Variants in CNTN4 observed in about 807,000 individuals in gnomAD.
CNTN4 encodes the protein contactin 4.
In CNTN4, 77 loss-of-function variants were observed where a neutral mutation model predicts 122.5. The observed-to-expected ratio is 0.63, with a 90% CI of 0.52 to 0.76. CNTN4 has a LOEUF of 0.76. Among genes scored for constraint, CNTN4 ranks in the 30% least tolerant of loss-of-function variants. The probability of loss-of-function intolerance (pLI) is 0.00; values close to 1 mark genes in which losing one functional copy is unlikely to be tolerated. For synonymous variants in CNTN4, 512 were observed against 447.0 expected (o/e 1.15, Z -1.83); for missense variants, 1,256 against 1,259.1 (o/e 1.00, Z 0.04).
At chr3:2,463,207 TA>T (rs528386637) in intron 3 of CNTN4, among the ~76,000 whole-genome samples, 33 of 145,646 alleles carry the variant, frequency 2.3e-4, no homozygotes, top group Middle Eastern at 3.6e-3. Context: ...ATGGGCTTTT[TA>T]AAAAAAAAAA....
At chr3:2,980,996 A>G (rs1004644922) in intron 13 of CNTN4, among the ~76,000 whole-genome samples, 5 of 152,124 alleles carry the variant, frequency 3.3e-5, no homozygotes, top group African/African-American at 1.2e-4. Flanking sequence ...CCACTATTTT[A>G]AACATGCCTA....
chr3:2,414,564 G>A (rs2047344696), intron 3 of CNTN4, among the ~76,000 whole-genome samples: 2 of 152,168 alleles, frequency 1.3e-5, no homozygotes, highest in Middle Eastern at 3.4e-3. Flanking sequence ...CTTGTTAATA[G>A]TAATTGATAT....
In CNTN4 at chr3:2,988,455, G is replaced by A. The variant is rs1369583654; in HGVS notation, c.1469G>A (p.Gly490Glu). The A allele has an allele frequency of 6.2e-7, 1 of 1,613,658 alleles. No homozygotes were observed. Among genetic ancestry groups the A allele is most frequent in the Non-Finnish European group, 8.5e-7 (1 of 1,179,784 alleles). ...TNHFGTASST[G>E]NLVVKDPTRV... ...CATTTTGGAACTGCTAGCAGTACTG[G>A]AAACTTGGTAGTGAAAGGTAATGGC... The change falls in exon 14 of 25, where the codon GGA becomes GAA. Residue 490 changes from glycine to glutamate, a missense_variant. By Grantham distance (98) the Gly-to-Glu change is moderately conservative. Coordinates refer to ENST00000418658, the MANE Select transcript of CNTN4 (RefSeq NM_175607.3).
chr3:2,887,393 G>A (rs892748833), intron 10 of CNTN4, among the ~76,000 whole-genome samples, 169 bp downstream of exon 10: 3 of 151,960 alleles, frequency 2.0e-5, no homozygotes, highest in Admixed American at 6.6e-5. Flanking sequence ...GGTGTGGAGA[G>A]TGAGGGTGGG....
intron 2 of CNTN4, among the ~76,000 whole-genome samples, chr3:2,287,778 GGAGAAGAA>G (rs1559416351): frequency 6.7e-6 from 1 of 148,444 alleles, no homozygotes; most frequent in Admixed American, 6.7e-5. Flanking sequence ...AGAAGAAGAA[GGAGAAGAA>G]GAGGAGGAAG....
chr3:2,444,853 G>T (rs531534268), intron 3 of CNTN4, among the ~76,000 whole-genome samples: 4 of 151,860 alleles, frequency 2.6e-5, no homozygotes, highest in Non-Finnish European at 5.9e-5. Context: ...TTGCTTTGTT[G>T]CTATCAGAGT....
intron 14 of CNTN4, among the ~76,000 whole-genome samples, chr3:3,020,047 G>A (rs1264160113): frequency 1.3e-5 from 2 of 152,020 alleles, no homozygotes; most frequent in Admixed American, 6.6e-5. Context: ...CAGATGAAGG[G>A]CCAGTGCTTG....
chr3:2,836,093 A>G (rs933124994), intron 7 of CNTN4, among the ~76,000 whole-genome samples: 1 of 152,146 alleles, frequency 6.6e-6, no homozygotes, highest in Admixed American at 6.5e-5. Flanking sequence ...AGACAACTCT[A>G]TGATCATTTA....
At chr3:2,713,289 C>T (rs115759841) in intron 4 of CNTN4, among the ~76,000 whole-genome samples, 1,879 of 152,276 alleles carry the variant, frequency 0.012, 24 homozygotes, top group African/African-American at 0.038. Context: ...CACGCACACA[C>T]ATTTGGTCAC....
chr3:2,959,274 A>G (rs1024672321), intron 13 of CNTN4, among the ~76,000 whole-genome samples: 1 of 152,222 alleles, frequency 6.6e-6, no homozygotes, highest in Non-Finnish European at 1.5e-5. Context: ...ATATATTTAA[A>G]AACAAAGAGT....
intron 7 of CNTN4, among the ~76,000 whole-genome samples, chr3:2,865,488 A>G (rs1457447397): frequency 6.6e-6 from 1 of 152,182 alleles, no homozygotes; most frequent in African/African-American, 2.4e-5. Flanking sequence ...TTAGCTCAGG[A>G]TCATATGAAA....
intron 15 of CNTN4, 43 bp downstream of exon 15, chr3:3,026,320 G>A (rs201015763): frequency 1.3e-6 from 2 of 1,508,856 alleles, no homozygotes; most frequent in Non-Finnish European, 1.8e-6. Context: ...AACTTGTTTA[G>A]ACCAACTTAA....
chr3:2,228,256 C>T (rs980427284), intron 2 of CNTN4, among the ~76,000 whole-genome samples: 1 of 151,982 alleles, frequency 6.6e-6, no homozygotes, highest in Non-Finnish European at 1.5e-5. Flanking sequence ...GTGTTGCCCC[C>T]AACCTAAATG....
At chr3:2,788,113 A>G (rs1220667373) in intron 6 of CNTN4, among the ~76,000 whole-genome samples, 1 of 152,176 alleles carries the variant, frequency 6.6e-6, no homozygotes, top group Non-Finnish European at 1.5e-5. Flanking sequence ...TAATCATAAG[A>G]GTAACAACTA....
chr3:2,381,252 C>G lies in CNTN4; in HGVS notation c.-89+42019C>G, dbSNP rs191644293. Among the ~76,000 whole-genome samples, 1,303 of 152,194 alleles carry G rather than the reference C, an allele frequency of 8.6e-3. 19 individuals are homozygous for G. Among genetic ancestry groups the G allele is most frequent in the African/African-American group, 0.03 (1,239 of 41,534 alleles). On this transcript the variant is annotated intron_variant, in intron 3 of 24. Coordinates refer to ENST00000418658, the MANE Select transcript of CNTN4 (RefSeq NM_175607.3). The stretch of plus-strand genomic sequence containing the variant: ...CGATCTCCTGACCTCGTGATCCACC[C>G]GCCTCGGCCTCCCAAAGTGCTGGGA...
At chr3:2,835,021 C>T (rs1415969975) in intron 7 of CNTN4, among the ~76,000 whole-genome samples, 1 of 148,304 alleles carries the variant, frequency 6.7e-6, no homozygotes, top group Non-Finnish European at 1.5e-5. Flanking sequence ...TCTCCTGCTT[C>T]AGCCTTCCCA....
chr3:2,120,100 C>G (rs1399572459), intron 2 of CNTN4, among the ~76,000 whole-genome samples: 1 of 151,774 alleles, frequency 6.6e-6, no homozygotes, highest in East Asian at 1.9e-4. Flanking sequence ...AAGAGCTTGA[C>G]TCATAACCTG....
intron 13 of CNTN4, among the ~76,000 whole-genome samples, chr3:2,957,321 G>A (rs1343194085): frequency 6.6e-6 from 1 of 152,002 alleles, no homozygotes; most frequent in Non-Finnish European, 1.5e-5. Flanking sequence ...CTTTTTCATA[G>A]TAGTCATTCT....
At chr3:2,926,865 A>G (rs2094477890) in intron 13 of CNTN4, among the ~76,000 whole-genome samples, 1 of 152,202 alleles carries the variant, frequency 6.6e-6, no homozygotes, top group South Asian at 2.1e-4. Context: ...TGGTGTATCA[A>G]GAAAGCAGTG....
Sources: gnomAD v4.1 joint callset for allele counts (sites outside exome capture counted in the v4.1 genomes callset) on GRCh38, gnomAD v4.1.1 for gene constraint, MANE v1.5 for transcripts, NCBI Gene and HGNC (gene_info 2026-07-23, HGNC 2026-07-21) for gene names.